ACOT7: variants seen among roughly 807,000 people sequenced by gnomAD.
ACOT7 encodes the protein acyl-CoA thioesterase 7.
Under a neutral mutation model 40.2 loss-of-function variants are expected in ACOT7, and 12 were observed. The ratio of observed to expected loss-of-function variants is 0.30; its 90% CI spans 0.19 to 0.48. The LOEUF (loss-of-function observed/expected upper bound fraction) is 0.48, where lower values mean the gene tolerates loss of function less well. Among genes scored for constraint, ACOT7 ranks in the 20% least tolerant of loss-of-function variants. The pLI is 0.99. For synonymous variants in ACOT7, 228 were observed against 219.5 expected, an observed-to-expected ratio of 1.04 and a Z score of -0.34; for missense variants, 395 against 530.8, an observed-to-expected ratio of 0.74 and a Z score of 2.51.
At chr1:6,354,971 T>C (rs1034258949) in intron 1 of ACOT7, among the ~76,000 whole-genome samples, 1 of 151,898 alleles carries the variant, frequency 6.6e-6, no homozygotes, top group African/African-American at 2.4e-5. Flanking sequence ...TTCCAGGGCC[T>C]TTCCCATCTA....
At chr1:6,388,760 CG>C (rs1256472736) in intron 1 of ACOT7, among the ~76,000 whole-genome samples, 4 of 140,398 alleles carry the variant, frequency 2.8e-5, no homozygotes, top group African/African-American at 1.1e-4. Context: ...AAAAAAAGGC[CG>C]GGTGCGGTGG....
intron 1 of ACOT7, among the ~76,000 whole-genome samples, chr1:6,376,626 C>T (rs555782022): frequency 1.3e-5 from 2 of 151,504 alleles, no homozygotes; most frequent in African/African-American, 4.8e-5. Flanking sequence ...ACTTGGGAGG[C>T]TGAGGCAGGA....
At position 6,358,872 on chromosome 1, in the gene ACOT7, T is replaced by C. The variant is rs199614004; in HGVS notation, c.144-9006A>G. 3 of 1,613,626 alleles carry C rather than the reference T, an allele frequency of 1.9e-6. No homozygotes were observed. The highest frequency in any genetic ancestry group is 1.7e-6 in the Non-Finnish European group (2 of 1,179,734). On this transcript the variant is annotated intron_variant, in intron 1 of 8. Transcript: ENST00000361521. The surrounding 1 kb of genome is among the most constrained non-coding windows in gnomAD (Gnocchi z 4.1). ...GTGGCTAGGACATCCCAGGATCAGATGCAGAGAAAGGCGAGGGAGCAGGGA... is the reference window on the plus strand; with the variant it reads ...GTGGCTAGGACATCCCAGGATCAGACGCAGAGAAAGGCGAGGGAGCAGGGA...
chr1:6,377,834 G>A (rs1489400146), intron 1 of ACOT7, among the ~76,000 whole-genome samples: 1 of 152,182 alleles, frequency 6.6e-6, no homozygotes, highest in Non-Finnish European at 1.5e-5. Context: ...ACTTTGGTAA[G>A]CCTAGGCGGA....
chr1:6,326,066 G>C (rs568133008), intron 5 of ACOT7, among the ~76,000 whole-genome samples: 1 of 152,272 alleles, frequency 6.6e-6, no homozygotes, highest in East Asian at 1.9e-4. Flanking sequence ...ATGGTGGGGG[G>C]CAGCAAACCC....
rs1201014543 is a variant in ACOT7 at position 6,278,080 on chromosome 1, G to GC, written c.1014+3021_1014+3022insG. 4.6e-5 allele frequency among the ~76,000 whole-genome samples: 7 copies of GC among 150,724 alleles called. No individual in the cohort carries two copies. Among genetic ancestry groups the GC allele is most frequent in the African/African-American group, 1.7e-4 (7 of 40,864 alleles). ...TGACAGTCCACGCAGCGTCTGCAGT[G>GC]GCGGGGGGTGGTTGGGAGGGGGTCT... On this transcript the variant is annotated intron_variant, in intron 8 of 8. Coordinates refer to ENST00000361521, the MANE Select transcript of ACOT7 (RefSeq NM_007274.4). This position sits in a 1 kb window ranked among gnomAD's most constrained non-coding sequence, Gnocchi z 4.1.
intron 2 of ACOT7, among the ~76,000 whole-genome samples, chr1:6,348,636 G>A (rs1641501218): frequency 6.6e-6 from 1 of 152,202 alleles, no homozygotes; most frequent in Non-Finnish European, 1.5e-5. Context: ...CTATGAACCA[G>A]GAAACAAATG....
intron 5 of ACOT7, among the ~76,000 whole-genome samples, chr1:6,324,615 C>G (rs893312432): frequency 3.3e-5 from 5 of 152,190 alleles, no homozygotes; most frequent in African/African-American, 4.8e-5. Context: ...GCCCACACCC[C>G]CCGGGGTCTG....
chr1:6,331,228 T>A (rs1021705336), intron 4 of ACOT7, among the ~76,000 whole-genome samples: 1 of 152,176 alleles, frequency 6.6e-6, no homozygotes, highest in Non-Finnish European at 1.5e-5. Context: ...AAAATGTATA[T>A]CCACCTGAAA....
chr1:6,269,896 G>A (rs1446486649), intron 8 of ACOT7, among the ~76,000 whole-genome samples: 4 of 152,360 alleles, frequency 2.6e-5, no homozygotes, highest in South Asian at 4.1e-4. Flanking sequence ...CCCAAGGTGC[G>A]GGCGGCCTTC....
At chr1:6,353,746 T>C (rs1211004223) in intron 1 of ACOT7, among the ~76,000 whole-genome samples, 1 of 152,264 alleles carries the variant, frequency 6.6e-6, no homozygotes, top group African/African-American at 2.4e-5. Context: ...GGCACAGGCC[T>C]GGCCCAGTTC....
At position 6,355,501 on chromosome 1, in the gene ACOT7, G is replaced by A. The variant is rs1219431624; in HGVS notation, c.144-5635C>T. Reference sequence around the variant, plus strand: ...CCAGCTGTCAGGTGAAAAACAGCAAGGCACAGAGCCATGGGAGCAAGGTGA... The same window carrying A: ...CCAGCTGTCAGGTGAAAAACAGCAAAGCACAGAGCCATGGGAGCAAGGTGA... On this transcript the variant is annotated intron_variant, in intron 1 of 8. Coordinates refer to ENST00000361521, the MANE Select transcript of ACOT7 (RefSeq NM_007274.4). This position sits in a 1 kb window ranked among gnomAD's most constrained non-coding sequence, Gnocchi z 5.0. Among the ~76,000 whole-genome samples, 1 of 152,162 alleles carries A rather than the reference G, an allele frequency of 6.6e-6. No individual in the cohort carries two copies. Among genetic ancestry groups the A allele is most frequent in the Non-Finnish European group, 1.5e-5 (1 of 68,032 alleles).
In ACOT7 at chr1:6,311,815, C is replaced by T. The variant is rs936185699; in HGVS notation, c.712+6677G>A. On this transcript the variant is annotated intron_variant, in intron 6 of 8. Coordinates refer to ENST00000361521, the MANE Select transcript of ACOT7 (RefSeq NM_007274.4). This position sits in a 1 kb window ranked among gnomAD's most constrained non-coding sequence, Gnocchi z 5.2. ...CTCTTTCCCAGGGTAGGACGTTTAC[C>T]GCGGCAGTGCTGCCCCAGCCTGTCC... 4.6e-5 allele frequency among the ~76,000 whole-genome samples: 7 copies of T among 152,322 alleles called. No individual in the cohort carries two copies. The highest frequency in any genetic ancestry group is 2.1e-4 in the South Asian group (1 of 4,824).
intron 2 of ACOT7, among the ~76,000 whole-genome samples, chr1:6,343,168 C>T (rs578160394): frequency 9.2e-5 from 14 of 152,308 alleles, no homozygotes; most frequent in African/African-American, 2.6e-4. Flanking sequence ...ATTAGGCAAG[C>T]GTCCCAGAGC....
chr1:6,275,179 C>T lies in ACOT7; in HGVS notation c.1014+5923G>A, dbSNP rs1229331638. ...CACCCAAGAGGAAGCCTCCCCTGCC[C>T]CTCCAGTCCCTTGCCCACCCAGGAG... On this transcript the variant is annotated intron_variant, in intron 8 of 8. Coordinates refer to ENST00000361521, the MANE Select transcript of ACOT7 (RefSeq NM_007274.4). This position sits in a 1 kb window ranked among gnomAD's most constrained non-coding sequence, Gnocchi z 5.6. Among the ~76,000 whole-genome samples, 1 of 152,204 alleles carries T rather than the reference C, an allele frequency of 6.6e-6. No individual in the cohort carries two copies. Among genetic ancestry groups the T allele is most frequent in the Non-Finnish European group, 1.5e-5 (1 of 68,032 alleles).
Position 6,274,930 on chromosome 1 carries a change from T to C in ACOT7, c.1014+6172A>G, listed in dbSNP as rs1464973469. 6.6e-6 allele frequency among the ~76,000 whole-genome samples: 1 copy of C among 152,168 alleles called. No homozygotes were observed. Among genetic ancestry groups the C allele is most frequent in the East Asian group, 1.9e-4 (1 of 5,184 alleles). ...CCAGGACCCCACAGTAGGGCCTGGCTGGGAGAAAGCACAGTGGCATCGATG... is the reference window on the plus strand; with the variant it reads ...CCAGGACCCCACAGTAGGGCCTGGCCGGGAGAAAGCACAGTGGCATCGATG... On this transcript the variant is annotated intron_variant, in intron 8 of 8. Transcript: ENST00000361521. This position sits in a 1 kb window ranked among gnomAD's most constrained non-coding sequence, Gnocchi z 5.9.
At chr1:6,374,845 G>A (rs536357672) in intron 1 of ACOT7, among the ~76,000 whole-genome samples, 6 of 152,300 alleles carry the variant, frequency 3.9e-5, no homozygotes, top group East Asian at 1.9e-4. Context: ...GAACAACCAC[G>A]TCAAGAGTCA....
At position 6,359,079 on chromosome 1, in the gene ACOT7, A is replaced by C; in HGVS notation, c.144-9213T>G. ...TCATGGAAACCTTGCTTTATAAATAATTACAGAAGAAGTAATTCTGTGAGC... is the reference window on the plus strand; with the variant it reads ...TCATGGAAACCTTGCTTTATAAATACTTACAGAAGAAGTAATTCTGTGAGC... On this transcript the variant is annotated intron_variant, in intron 1 of 8. Transcript: ENST00000361521. The surrounding 1 kb of genome is among the most constrained non-coding windows in gnomAD (Gnocchi z 4.1). The C allele has an allele frequency of 1.9e-6, 1 of 527,006 alleles. No homozygotes were observed. The highest frequency in any genetic ancestry group is 3.7e-5 in the East Asian group (1 of 27,098). 32.6% of individuals were successfully genotyped at this position (527,006 alleles called of 1,614,324 possible). A position where few individuals can be genotyped will look rare whatever the true frequency, so the allele number is the denominator to read the frequency against.
At chr1:6,291,445 G>T (rs1639661145) in intron 7 of ACOT7, among the ~76,000 whole-genome samples, 1 of 152,170 alleles carries the variant, frequency 6.6e-6, no homozygotes, top group Admixed American at 6.5e-5. Flanking sequence ...ACTTCAGAGG[G>T]ACCTTGGCCC....
Sources: gnomAD v4.1 joint callset for allele counts (sites outside exome capture counted in the v4.1 genomes callset) on GRCh38, gnomAD v4.1.1 for gene constraint, Gnocchi (gnomAD v3.1) non-coding constraint, MANE v1.5 for transcripts, NCBI Gene and HGNC (gene_info 2026-07-23, HGNC 2026-07-21) for gene names.